Variants in RORA observed in about 807,000 individuals in gnomAD.
RORA encodes RAR related orphan receptor A.
In RORA, 7 loss-of-function variants were observed where a neutral mutation model predicts 69.5. That is an observed-to-expected ratio of 0.10 (90% CI 0.06 to 0.19). RORA has a LOEUF of 0.19. Ranked by LOEUF, RORA falls within the 10% of genes least tolerant of loss-of-function variation. The pLI is 1.00. For missense variants in RORA, 457 were observed against 663.0 expected (o/e 0.69, Z 3.41); for synonymous variants, 261 against 240.8 (o/e 1.08, Z -0.78).
intron 2 of RORA, among the ~76,000 whole-genome samples, chr15:60,538,339 A>C (rs1006655806): frequency 1.3e-5 from 2 of 152,168 alleles, no homozygotes; most frequent in Non-Finnish European, 2.9e-5. Context: ...TCCTCCATCC[A>C]TAAAAATGGG....
chr15:60,690,631 T>C (rs956502527), intron 1 of RORA, among the ~76,000 whole-genome samples: 5 of 152,184 alleles, frequency 3.3e-5, no homozygotes, highest in Admixed American at 1.3e-4. Flanking sequence ...AAATAACTAG[T>C]TTATAGATTA....
intron 1 of RORA, among the ~76,000 whole-genome samples, chr15:61,206,158 T>A (rs1403203458): frequency 1.1e-5 from 1 of 94,900 alleles, no homozygotes; most frequent in Non-Finnish European, 2.6e-5. Context: ...TATTAACTCA[T>A]TGAGGATGCA....
At chr15:60,576,146 C>T (rs1189869038) in intron 2 of RORA, among the ~76,000 whole-genome samples, 1 of 152,224 alleles carries the variant, frequency 6.6e-6, no homozygotes, top group Non-Finnish European at 1.5e-5. Flanking sequence ...TGCTTTTTCT[C>T]ATGGGCAGCG....
chr15:61,134,678 T>C (rs775448028), intron 1 of RORA, among the ~76,000 whole-genome samples: 4 of 152,202 alleles, frequency 2.6e-5, no homozygotes, highest in Non-Finnish European at 4.4e-5. Flanking sequence ...TTCTAGATGA[T>C]GAAATGCACA....
intron 1 of RORA, among the ~76,000 whole-genome samples, chr15:61,069,872 T>C (rs1477329241): frequency 6.6e-6 from 1 of 152,142 alleles, no homozygotes; most frequent in East Asian, 1.9e-4. Context: ...TGGCTATAAT[T>C]AGAAAAGCAG....
chr15:61,178,991 C>G (rs2079657070), intron 1 of RORA, among the ~76,000 whole-genome samples: 1 of 152,168 alleles, frequency 6.6e-6, no homozygotes, highest in South Asian at 2.1e-4. Context: ...TAAACACATG[C>G]ATTCTTTTCT....
intron 2 of RORA, among the ~76,000 whole-genome samples, chr15:60,651,006 T>C (rs1193244116): frequency 1.3e-5 from 2 of 152,106 alleles, no homozygotes; most frequent in Admixed American, 1.3e-4. Context: ...CCGAGTCCCT[T>C]CCAATACGCC....
intron 1 of RORA, chr15:61,038,739 T>C (rs1896589684): frequency 6.6e-6 from 1 of 152,230 alleles, no homozygotes; most frequent in East Asian, 1.9e-4. Flanking sequence ...ATTTCAATAA[T>C]TGTTATGATA....
chr15:60,665,060 C>G (rs2070360862), intron 2 of RORA, among the ~76,000 whole-genome samples: 1 of 152,222 alleles, frequency 6.6e-6, no homozygotes, highest in Non-Finnish European at 1.5e-5. Flanking sequence ...TACTTACATT[C>G]TAGACCAGAC....
At chr15:60,867,933 T>G (rs955576752) in intron 1 of RORA, among the ~76,000 whole-genome samples, 7 of 152,218 alleles carry the variant, frequency 4.6e-5, no homozygotes, top group Non-Finnish European at 7.3e-5. Flanking sequence ...ATTTTTAATC[T>G]GGTCATGATA....
At chr15:61,172,796 T>C (rs1166492212) in intron 1 of RORA, among the ~76,000 whole-genome samples, 2 of 152,094 alleles carry the variant, frequency 1.3e-5, no homozygotes, top group African/African-American at 4.8e-5. Flanking sequence ...AGGCAGAGCT[T>C]AAGTCTAAGG....
At chr15:61,011,219 C>A (rs989551734) in intron 1 of RORA, among the ~76,000 whole-genome samples, 2 of 152,158 alleles carry the variant, frequency 1.3e-5, no homozygotes, top group Non-Finnish European at 2.9e-5. Flanking sequence ...CCTCCACCAT[C>A]TGCATCTTCT....
intron 1 of RORA, among the ~76,000 whole-genome samples, chr15:61,116,121 C>T (rs555335051): frequency 3.4e-4 from 52 of 152,174 alleles, no homozygotes; most frequent in Non-Finnish European, 8.8e-5. Context: ...CAGGATGAAC[C>T]ATTTTAGCAG....
At chr15:60,895,321 C>A (rs1359118625) in intron 1 of RORA, among the ~76,000 whole-genome samples, 2 of 151,990 alleles carry the variant, frequency 1.3e-5, no homozygotes, top group Non-Finnish European at 2.9e-5. Flanking sequence ...CATTAACTGG[C>A]ATATATTAAA....
intron 1 of RORA, among the ~76,000 whole-genome samples, chr15:60,736,417 A>G (rs952934164): frequency 6.6e-6 from 1 of 152,188 alleles, no homozygotes. Flanking sequence ...AATATTTGAG[A>G]AAGGACTCCT....
chr15:60,592,924 C>A (rs763988026), intron 2 of RORA: 1 of 455,844 alleles, frequency 2.2e-6, no homozygotes, highest in South Asian at 1.6e-5. Flanking sequence ...CTCCCGCTGG[C>A]TTGCCGGAGC....
At chr15:60,594,270 A>G (rs1306550526) in intron 2 of RORA, among the ~76,000 whole-genome samples, 1 of 152,214 alleles carries the variant, frequency 6.6e-6, no homozygotes, top group Non-Finnish European at 1.5e-5. Context: ...CCTATGATGC[A>G]ACTATATCTC....
chr15:60,832,396 T>C (rs2073054046), intron 1 of RORA, among the ~76,000 whole-genome samples: 2 of 152,154 alleles, frequency 1.3e-5, no homozygotes, highest in South Asian at 4.1e-4. Context: ...CATTTCCCTC[T>C]TTCCTCAGCC....
intron 1 of RORA, among the ~76,000 whole-genome samples, chr15:60,945,608 T>C (rs1299738201): frequency 6.6e-6 from 1 of 152,192 alleles, no homozygotes; most frequent in Non-Finnish European, 1.5e-5. Flanking sequence ...CTGCCATGCA[T>C]AACAATATGT....
Sources: allele counts gnomAD v4.1 joint callset (sites outside exome capture counted in the v4.1 genomes callset), GRCh38; gene constraint gnomAD v4.1.1; transcripts MANE v1.5; gene names NCBI Gene and HGNC (gene_info 2026-07-23, HGNC 2026-07-21).